The following DLGAP1 variants were observed in gnomAD, a reference collection of about 807,000 sequenced individuals.
The protein encoded by DLGAP1 is DLG associated protein 1.
A neutral mutation model predicts 90.8 loss-of-function variants in DLGAP1; 11 were observed. That is an observed-to-expected ratio of 0.12 (90% CI 0.08 to 0.20). The LOEUF is 0.20. Ranked by LOEUF, DLGAP1 falls within the 10% of genes least tolerant of loss-of-function variation. The pLI is 1.00. For missense variants in DLGAP1, 1,050 were observed against 1,333.8 expected, an observed-to-expected ratio of 0.79 and a Z score of 3.31; for synonymous variants, 558 against 540.7, an observed-to-expected ratio of 1.03 and a Z score of -0.44.
intron 7 of DLGAP1, among the ~76,000 whole-genome samples, chr18:3,593,229 T>C (rs2056381563): frequency 6.6e-6 from 1 of 152,230 alleles, no homozygotes; most frequent in Non-Finnish European, 1.5e-5. Flanking sequence ...CTGCAGGAAC[T>C]CTTAAGTTTC....
rs543492507 is a variant in DLGAP1, at chr18:3,991,557, G to C, written c.-73+13559C>G. 2.6e-5 allele frequency among the ~76,000 whole-genome samples: 4 copies of C among 152,286 alleles called. No individual in the cohort carries two copies. In the South Asian group the frequency reaches 6.2e-4, roughly 24 times the overall value. ...CCTGGATGACCCAGATTTGAGTGGG[G>C]TCTCTTCTGGAGGCTGACTGCCCAA... is the stretch of plus-strand genomic sequence containing the variant. On this transcript the variant is annotated intron_variant, in intron 3 of 12. Transcript: ENST00000315677.
At position 4,445,487 on chromosome 18, in the gene DLGAP1, C is replaced by T. The variant is rs1388758644; in HGVS notation, c.-267+9519G>A. Among the ~76,000 whole-genome samples the T allele has an allele frequency of 6.5e-5, 9 of 139,160 alleles. No homozygotes were observed. In the Admixed American group the frequency reaches 7.1e-4, roughly 11 times the overall value. The allele number at this position is 139,160 out of a possible 152,430, so 91.3% of individuals were successfully genotyped here. A position where few individuals can be genotyped will look rare whatever the true frequency, so the allele number is the denominator to read the frequency against. On this transcript the variant is annotated intron_variant, in intron 1 of 12. Transcript: ENST00000315677. ...CACAGTCCCCAGAGTATGATATTCC[C>T]CTTCCTGTGTCCATGTGATCTCAAT...
intron 3 of DLGAP1, among the ~76,000 whole-genome samples, chr18:3,893,877 GTC>G (rs2071546934): frequency 6.6e-6 from 1 of 151,896 alleles, no homozygotes; most frequent in African/African-American, 2.4e-5. Flanking sequence ...CCTTGCCAAC[GTC>G]TGTTATTTTT....
At chr18:3,914,990 G>A (rs1459414194) in intron 3 of DLGAP1, among the ~76,000 whole-genome samples, 1 of 152,174 alleles carries the variant, frequency 6.6e-6, no homozygotes, top group Non-Finnish European at 1.5e-5. Context: ...CCATCTGCCT[G>A]TCTCAGCCTC....
chr18:3,877,691 T>G (rs1254007974), intron 4 of DLGAP1, among the ~76,000 whole-genome samples: 1 of 152,236 alleles, frequency 6.6e-6, no homozygotes, highest in Non-Finnish European at 1.5e-5. Context: ...GAGACTGGGT[T>G]CTAGTCCCAC....
chr18:4,294,382 C>T (rs2079924369), intron 1 of DLGAP1: 1 of 152,262 alleles, frequency 6.6e-6, no homozygotes, highest in Admixed American at 6.5e-5. Flanking sequence ...GAAGACCACA[C>T]ATGTCCTCTG....
intron 2 of DLGAP1, among the ~76,000 whole-genome samples, chr18:4,135,271 G>T (rs774050717): frequency 2.0e-5 from 3 of 152,118 alleles, no homozygotes; most frequent in Admixed American, 6.6e-5. Context: ...AGTAGAAGAG[G>T]GGGGAGCAGA....
intron 1 of DLGAP1, among the ~76,000 whole-genome samples, chr18:4,443,662 C>A (rs1276222165): frequency 6.6e-6 from 1 of 152,142 alleles, no homozygotes; most frequent in African/African-American, 2.4e-5. Context: ...GGAACACAAC[C>A]TATCTGTAAA....
intron 3 of DLGAP1, among the ~76,000 whole-genome samples, chr18:3,949,023 A>G (rs1329842573): frequency 5.9e-5 from 9 of 151,864 alleles, no homozygotes; most frequent in Non-Finnish European, 1.0e-4. Flanking sequence ...TAAAAAAGGA[A>G]TATGTTTCCC....
At chr18:4,096,668 G>A (rs542846780) in intron 2 of DLGAP1, among the ~76,000 whole-genome samples, 1 of 152,166 alleles carries the variant, frequency 6.6e-6, no homozygotes, top group African/African-American at 2.4e-5. Flanking sequence ...TCTCAAGGGA[G>A]AATGGAGCCG....
intron 7 of DLGAP1, among the ~76,000 whole-genome samples, chr18:3,661,276 A>AC (rs1226352872): frequency 6.6e-6 from 1 of 152,202 alleles, no homozygotes; most frequent in Non-Finnish European, 1.5e-5. Context: ...AAATGGCCAC[A>AC]AATTCTTCCA....
chr18:4,015,442 A>G (rs2074505822), intron 2 of DLGAP1, among the ~76,000 whole-genome samples: 1 of 152,042 alleles, frequency 6.6e-6, no homozygotes, highest in African/African-American at 2.4e-5. Flanking sequence ...TGGTATCCTT[A>G]CTCTGGAAAT....
At chr18:4,035,253 G>T (rs928966120) in intron 2 of DLGAP1, among the ~76,000 whole-genome samples, 5 of 152,138 alleles carry the variant, frequency 3.3e-5, no homozygotes, top group Admixed American at 3.3e-4. Flanking sequence ...GAGAACACAA[G>T]GGGGGACTGC....
At chr18:4,085,011 C>A (rs1216572976) in intron 2 of DLGAP1, among the ~76,000 whole-genome samples, 2 of 152,098 alleles carry the variant, frequency 1.3e-5, no homozygotes, top group African/African-American at 2.4e-5. Flanking sequence ...CTGCAGACTG[C>A]AAGTCTATGA....
chr18:3,588,485 A>C (rs2056029674), intron 7 of DLGAP1, among the ~76,000 whole-genome samples: 2 of 151,536 alleles, frequency 1.3e-5, no homozygotes, highest in South Asian at 4.2e-4. Flanking sequence ...TATATTTTTA[A>C]GAAAGACATT....
intron 1 of DLGAP1, among the ~76,000 whole-genome samples, chr18:4,442,692 G>T (rs200538804): frequency 2.0e-5 from 3 of 151,856 alleles, no homozygotes; most frequent in African/African-American, 7.3e-5. Context: ...AATTTAAAAA[G>T]AAAAAAAAGT....
At chr18:3,752,056 G>A (rs562501852) in intron 5 of DLGAP1, among the ~76,000 whole-genome samples, 2 of 150,482 alleles carry the variant, frequency 1.3e-5, no homozygotes, top group South Asian at 4.2e-4. Flanking sequence ...GCTAATTTTT[G>A]TATTTTTAGT....
At chr18:4,332,377 AT>A (rs1417594344) in intron 1 of DLGAP1, among the ~76,000 whole-genome samples, 1 of 151,976 alleles carries the variant, frequency 6.6e-6, no homozygotes, top group Non-Finnish European at 1.5e-5. Flanking sequence ...GAGGAATAAT[AT>A]TTTGCGTATT....
chr18:4,450,963 T>C (rs1181301487), intron 1 of DLGAP1, among the ~76,000 whole-genome samples: 2 of 152,218 alleles, frequency 1.3e-5, no homozygotes, highest in Non-Finnish European at 2.9e-5. Context: ...CTGAGCCAAA[T>C]ATCTGTGGAT....
Sources: gnomAD v4.1 joint callset for allele counts (sites outside exome capture counted in the v4.1 genomes callset) on GRCh38, gnomAD v4.1.1 for gene constraint, MANE v1.5 for transcripts, NCBI Gene and HGNC (gene_info 2026-07-23, HGNC 2026-07-21) for gene names.